Variants in TTLL11 observed in about 807,000 individuals in gnomAD.
The protein encoded by TTLL11 is tubulin polyglutamylase TTLL11.
TTLL11 carries 42 observed loss-of-function variants against 51.7 expected under a neutral mutation model. The observed-to-expected ratio is 0.81, with a 90% confidence interval of 0.64 to 1.05. TTLL11 has a LOEUF of 1.05. TTLL11 is among the 50% of genes least tolerant of loss of function. The probability of loss-of-function intolerance (pLI) is 0.00; values close to 1 mark genes in which losing one functional copy is unlikely to be tolerated. For synonymous variants in TTLL11, 381 were observed against 383.5 expected, an observed-to-expected ratio of 0.99 and a Z score of 0.08; for missense variants, 799 against 940.4, an observed-to-expected ratio of 0.85 and a Z score of 1.97.
At chr9:122,033,490 C>G (rs1844617215) in intron 2 of TTLL11, among the ~76,000 whole-genome samples, 1 of 152,150 alleles carries the variant, frequency 6.6e-6, no homozygotes, top group South Asian at 2.1e-4. Context: ...AGAGACCAAA[C>G]AGTTCCATTA....
At chr9:121,966,035 T>A (rs1228771693) in intron 6 of TTLL11, among the ~76,000 whole-genome samples, 1 of 152,210 alleles carries the variant, frequency 6.6e-6, no homozygotes, top group Admixed American at 6.5e-5. Context: ...GCCCAAGAGA[T>A]GTGCTTGGAG....
chr9:122,028,165 T>A lies in TTLL11; in HGVS notation c.693+3558A>T, dbSNP rs11789510. Among the ~76,000 whole-genome samples, 1,013 of 152,078 alleles carry A rather than the reference T, an allele frequency of 6.7e-3. 8 individuals carry two copies. Among genetic ancestry groups the A allele is most frequent in the Middle Eastern group, 0.017 (5 of 294 alleles). On this transcript the variant is annotated intron_variant, in intron 3 of 8. Coordinates refer to ENST00000321582, the MANE Select transcript of TTLL11 (RefSeq NM_001139442.2). ...ATAGCTAATAAGCCGAAAGAAGAGA[T>A]AAAATAAAACACTAAAAATATTCAA...
At chr9:121,926,668 C>T (rs1450761667) in intron 6 of TTLL11, among the ~76,000 whole-genome samples, 1 of 152,216 alleles carries the variant, frequency 6.6e-6, no homozygotes, top group East Asian at 1.9e-4. Flanking sequence ...AGGCCGTCTC[C>T]TCTCTCCCGT....
At chr9:122,067,903 G>C (rs1845630826) in intron 1 of TTLL11, among the ~76,000 whole-genome samples, 5 of 152,218 alleles carry the variant, frequency 3.3e-5, no homozygotes, top group Admixed American at 3.3e-4. Flanking sequence ...ATAGTTACCA[G>C]AGTGAAAACA....
At chr9:121,901,648 G>A (rs1198446657) in intron 6 of TTLL11, among the ~76,000 whole-genome samples, 2 of 151,504 alleles carry the variant, frequency 1.3e-5, no homozygotes, top group East Asian at 1.9e-4. Flanking sequence ...ATTGCCCTGC[G>A]GGATGGGTTT....
At chr9:121,945,715 A>C (rs373314206) in intron 6 of TTLL11, among the ~76,000 whole-genome samples, 10 of 152,244 alleles carry the variant, frequency 6.6e-5, no homozygotes, top group African/African-American at 2.4e-4. Context: ...TCAGGACAGT[A>C]TTGGAGAGAA....
intron 8 of TTLL11, among the ~76,000 whole-genome samples, chr9:121,843,162 C>A (rs1157135282): frequency 1.3e-5 from 2 of 151,800 alleles, no homozygotes; most frequent in Admixed American, 1.3e-4. Flanking sequence ...ATAGTGAGAC[C>A]CCCATCTTTA....
intron 6 of TTLL11, among the ~76,000 whole-genome samples, chr9:121,912,173 T>G (rs1840149653): frequency 6.6e-6 from 1 of 152,202 alleles, no homozygotes; most frequent in Non-Finnish European, 1.5e-5. Context: ...GGGCCGCTCA[T>G]CTACTGTACT....
intron 3 of TTLL11, among the ~76,000 whole-genome samples, chr9:122,019,292 CCTTT>C (rs1295667067): frequency 2.0e-5 from 3 of 152,140 alleles, no homozygotes; most frequent in African/African-American, 7.2e-5. Flanking sequence ...CAACAGATCA[CCTTT>C]CTAATACTAA....
At chr9:121,933,304 G>A (rs968445326) in intron 6 of TTLL11, among the ~76,000 whole-genome samples, 1 of 152,200 alleles carries the variant, frequency 6.6e-6, no homozygotes, top group Non-Finnish European at 1.5e-5. Context: ...TAAGAGCGAG[G>A]AGAGGTGAAT....
At chr9:122,023,241 C>T (rs1178034166) in intron 3 of TTLL11, among the ~76,000 whole-genome samples, 1 of 151,840 alleles carries the variant, frequency 6.6e-6, no homozygotes, top group Non-Finnish European at 1.5e-5. Flanking sequence ...ACTATTAAAG[C>T]TCATTCAAGA....
chr9:122,054,149 A>T (rs549727870), intron 1 of TTLL11, among the ~76,000 whole-genome samples: 2 of 152,174 alleles, frequency 1.3e-5, no homozygotes, highest in African/African-American at 4.8e-5. Flanking sequence ...TTTTTTATTA[A>T]ATCCATTCAT....
chr9:121,848,025 A>G (rs1488709361), intron 8 of TTLL11, among the ~76,000 whole-genome samples: 1 of 152,116 alleles, frequency 6.6e-6, no homozygotes. Flanking sequence ...ATCCTGTGAG[A>G]CCCAGTCTCT....
At chr9:121,871,202 C>T (rs1327800132) in intron 6 of TTLL11, among the ~76,000 whole-genome samples, 1 of 150,790 alleles carries the variant, frequency 6.6e-6, no homozygotes, top group Non-Finnish European at 1.5e-5. Flanking sequence ...GGAATAGAAA[C>T]AATTATATTT....
chr9:122,038,803 A>T (rs1359178096), intron 2 of TTLL11, among the ~76,000 whole-genome samples: 1 of 152,184 alleles, frequency 6.6e-6, no homozygotes, highest in African/African-American at 2.4e-5. Flanking sequence ...GTCATTAGGT[A>T]AAAGGCAGAG....
chr9:121,874,451 C>A (rs950248027), intron 6 of TTLL11, among the ~76,000 whole-genome samples: 9 of 152,162 alleles, frequency 5.9e-5, no homozygotes, highest in East Asian at 1.9e-4. Context: ...ATAAAGGAAT[C>A]AAAATCATTT....
intron 8 of TTLL11, among the ~76,000 whole-genome samples, chr9:121,823,264 G>C (rs2119101933): frequency 6.6e-6 from 1 of 152,326 alleles, no homozygotes; most frequent in Non-Finnish European, 1.5e-5. Context: ...CCCAGCTCCT[G>C]GCTGGGCGCA....
chr9:121,919,847 TAAA>T (rs59700871), intron 6 of TTLL11, among the ~76,000 whole-genome samples: 1 of 60,822 alleles, frequency 1.6e-5, no homozygotes. Context: ...CCCTCATCTC[TAAA>T]AAAAAAAAAA....
At chr9:121,917,474 A>AGG (rs1291403600) in intron 6 of TTLL11, among the ~76,000 whole-genome samples, 30 of 149,860 alleles carry the variant, frequency 2.0e-4, no homozygotes, top group African/African-American at 7.2e-4. Context: ...ACACTGTTGA[A>AGG]AGAAAGAAAA....
Sources: gnomAD v4.1 joint callset for allele counts (sites outside exome capture counted in the v4.1 genomes callset) on GRCh38, gnomAD v4.1.1 for gene constraint, MANE v1.5 for transcripts, NCBI Gene and HGNC (gene_info 2026-07-23, HGNC 2026-07-21) for gene names.